The following SASH1 variants were observed in gnomAD, a reference collection of about 807,000 sequenced individuals.
SASH1 encodes the protein SAM and SH3 domain containing 1.
A neutral mutation model predicts 125.2 loss-of-function variants in SASH1; 44 were observed. That is an observed-to-expected ratio of 0.35 (90% CI 0.28 to 0.45). The LOEUF (loss-of-function observed/expected upper bound fraction) is 0.45, where lower values mean the gene tolerates loss of function less well. Among genes scored for constraint, SASH1 ranks in the 20% least tolerant of loss-of-function variants. The pLI, the probability that SASH1 is intolerant of heterozygous loss-of-function variation, is 1.00. For synonymous variants in SASH1, 639 were observed against 649.1 expected, an observed-to-expected ratio of 0.98 and a Z score of 0.24; for missense variants, 1,426 against 1,614.5, an observed-to-expected ratio of 0.88 and a Z score of 2.00.
At chr6:148,279,198 C>T (rs1302870326) in intron 1 of SASH1, among the ~76,000 whole-genome samples, 1 of 152,006 alleles carries the variant, frequency 6.6e-6, no homozygotes, top group African/African-American at 2.4e-5. Flanking sequence ...ACCATGTTGC[C>T]CAGGCTGGTC....
At chr6:148,270,257 G>A (rs1162404530), upstream of SASH1, among the ~76,000 whole-genome samples, 2 of 152,100 alleles carry the variant, frequency 1.3e-5, no homozygotes, top group Non-Finnish European at 2.9e-5. Flanking sequence ...TCATAAGCCG[G>A]TGCTCTTTTA....
intron 9 of SASH1, among the ~76,000 whole-genome samples, chr6:148,518,816 A>G (rs1201226008): frequency 6.6e-6 from 1 of 152,160 alleles, no homozygotes; most frequent in Non-Finnish European, 1.5e-5. Flanking sequence ...ACCTGGCTCC[A>G]GTGAGGGCTT....
In SASH1 at chr6:148,466,342, C is replaced by A. The variant is rs370167482; in HGVS notation, c.387-2203C>A. Among the ~76,000 whole-genome samples, 68 of 152,324 alleles carry A rather than the reference C, an allele frequency of 4.5e-4. No individual in the cohort carries two copies. In the South Asian group the frequency reaches 0.013, roughly 30 times the overall value. On this transcript the variant is annotated intron_variant, in intron 4 of 19. Transcript: ENST00000367467. ...GTCATCAACAGTTCTCTGCACTCAG[C>A]CGTGGAGAATGGTGGTGCTTGCAGG...
intron 2 of SASH1, among the ~76,000 whole-genome samples, chr6:148,398,073 C>T (rs554399886): frequency 2.0e-5 from 3 of 151,996 alleles, no homozygotes; most frequent in East Asian, 3.9e-4. Context: ...TTCAGGGAGA[C>T]GTCACAGTTT....
intron 17 of SASH1, 126 bp downstream of exon 17, chr6:148,540,682 T>C: frequency 2.9e-6 from 2 of 695,072 alleles, no homozygotes; most frequent in Admixed American, 4.6e-5. Context: ...TTCTCACCTC[T>C]ACACCATTCT....
At position 148,369,970 on chromosome 6, in the gene SASH1, A is replaced by AC. The variant is rs1782645275; in HGVS notation, c.157-20164_157-20163insC. Among the ~76,000 whole-genome samples the AC allele has an allele frequency of 6.1e-5, 9 of 148,678 alleles. No homozygotes were observed. The South Asian group carries it at 1.3e-3, about 21-fold the overall frequency. On this transcript the variant is annotated intron_variant, in intron 1 of 19. Coordinates refer to ENST00000367467, the MANE Select transcript of SASH1 (RefSeq NM_015278.5). ...TTGTCTCAAAAAAAAGAAAAACAAA[A>AC]AAAAAAAAAAAAAAAAGGAAAGAAA... is the stretch of plus-strand genomic sequence containing the variant.
chr6:148,211,298 C>T, the SASH1 span, among the ~76,000 whole-genome samples: 901 of 152,248 alleles, frequency 5.9e-3, 5 homozygotes, highest in African/African-American at 0.02. Flanking sequence ...AGGCTGGGCA[C>T]GGTGGCTCAT....
intron 1 of SASH1, among the ~76,000 whole-genome samples, chr6:148,307,788 C>T (rs1780183757): frequency 6.6e-6 from 1 of 152,154 alleles, no homozygotes; most frequent in African/African-American, 2.4e-5. Context: ...AAGCAAATCA[C>T]TTAGTAGAAT....
rs113576604 is a variant in SASH1, at chr6:148,280,130, G to A, written n.74+7753G>A. ...GTGTATTTTCAACACGGCAAGGATT[G>A]TTCTTGTGCTTGGTTGATGGTGGTG... is the stretch of plus-strand genomic sequence containing the variant. On this transcript the variant is annotated intron_variant and non_coding_transcript_variant, in intron 1 of 3. Coordinates refer to the SASH1 transcript ENST00000367469. 7.2e-3 allele frequency among the ~76,000 whole-genome samples: 1,042 copies of A among 145,422 alleles called. 9 individuals carry two copies. The highest frequency in any genetic ancestry group is 0.024 in the African/African-American group (949 of 39,148).
the SASH1 span, among the ~76,000 whole-genome samples, chr6:148,259,601 C>T: frequency 6.6e-6 from 1 of 152,140 alleles, no homozygotes; most frequent in African/African-American, 2.4e-5. Flanking sequence ...TAGGTCTGTC[C>T]TGCTCATGAT....
chr6:148,408,202 G>A (rs981653113), intron 2 of SASH1, among the ~76,000 whole-genome samples: 1 of 144,696 alleles, frequency 6.9e-6, no homozygotes, highest in Admixed American at 7.0e-5. Context: ...CCTACTCCTG[G>A]GTTCAAGCGA....
intron 4 of SASH1, among the ~76,000 whole-genome samples, chr6:148,449,701 T>A (rs2115037262): frequency 6.6e-6 from 1 of 152,256 alleles, no homozygotes; most frequent in African/African-American, 2.4e-5. Context: ...ACTGGCTAAT[T>A]TCTAAAGAAA....
At chr6:148,386,541 G>A (rs969407880) in intron 1 of SASH1, among the ~76,000 whole-genome samples, 1 of 152,222 alleles carries the variant, frequency 6.6e-6, no homozygotes, top group Admixed American at 6.5e-5. Flanking sequence ...CCACAGGGTA[G>A]TGTGTAAGCT....
At chr6:148,304,864 T>A (rs1382849400) in intron 1 of SASH1, among the ~76,000 whole-genome samples, 2 of 151,956 alleles carry the variant, frequency 1.3e-5, no homozygotes, top group Non-Finnish European at 2.9e-5. Context: ...CCCGTCTCTA[T>A]TAAAAATACA....
chr6:148,320,004 A>G (rs1018481895), intron 1 of SASH1, among the ~76,000 whole-genome samples: 4 of 152,038 alleles, frequency 2.6e-5, no homozygotes, highest in Admixed American at 2.6e-4. Flanking sequence ...AGTCACCCTT[A>G]TTTTGCCTCA....
chr6:148,355,429 A>G (rs1781893650), intron 1 of SASH1, among the ~76,000 whole-genome samples: 1 of 152,216 alleles, frequency 6.6e-6, no homozygotes, highest in South Asian at 2.1e-4. Flanking sequence ...CTTCATGATG[A>G]GCATTAAATA....
intron 1 of SASH1, among the ~76,000 whole-genome samples, chr6:148,368,206 G>T (rs572559459): frequency 1.3e-5 from 2 of 152,174 alleles, no homozygotes; most frequent in African/African-American, 2.4e-5. Context: ...CAGTGAGCCC[G>T]TACTTCTGTG....
rs1782459082 is a variant in SASH1 at position 148,544,767 on chromosome 6, C to T, written c.3297C>T (p.Asn1099=). Residue 1099 remains asparagine, a synonymous_variant, in exon 18 of 20, where the codon AAC becomes AAT. Transcript: ENST00000367467. The surrounding 1 kb of genome is among the most constrained non-coding windows in gnomAD (Gnocchi z 6.4). ...RGVDLETLTE[N]KLHAEGIDLT... is the part of the protein sequence containing the mutation. Reference sequence around the variant, plus strand: ...TGGATCTAGAAACGCTCACTGAAAACAAGCTGCACGCTGAAGGCATCGATC... The same window carrying T: ...TGGATCTAGAAACGCTCACTGAAAATAAGCTGCACGCTGAAGGCATCGATC... 2 of 1,604,528 alleles carry T rather than the reference C, an allele frequency of 1.2e-6. No individual in the cohort carries two copies. The highest frequency in any genetic ancestry group is 1.3e-5 in the African/African-American group (1 of 74,960).
At position 148,466,992 on chromosome 6, in the gene SASH1, T is replaced by C. The variant is rs549423638; in HGVS notation, c.387-1553T>C. 4.6e-5 allele frequency among the ~76,000 whole-genome samples: 7 copies of C among 152,002 alleles called. 1 individual carries two copies. ...TGATGCAGGTGCCTTCTTTCTGGTT[T>C]CCCTTGGCTGTAAGCCCAAGGATAC... is the stretch of plus-strand genomic sequence containing the variant. On this transcript the variant is annotated intron_variant, in intron 4 of 19. Transcript: ENST00000367467.
Sources: allele counts gnomAD v4.1 joint callset (sites outside exome capture counted in the v4.1 genomes callset), GRCh38; gene constraint gnomAD v4.1.1; non-coding constraint Gnocchi (gnomAD v3.1); transcripts MANE v1.5; gene names NCBI Gene and HGNC (gene_info 2026-07-23, HGNC 2026-07-21).